TP73: variants seen among roughly 807,000 people sequenced by gnomAD.
TP73 encodes the protein tumor protein p73, also known as p53-like transcription factor.
TP73 carries 25 observed loss-of-function variants against 62.5 expected under a neutral mutation model. That is an observed-to-expected ratio of 0.40 (90% confidence interval 0.29 to 0.56). TP73 has a LOEUF of 0.56. Ranked by LOEUF, TP73 falls within the 20% of genes least tolerant of loss-of-function variation. TP73 has a pLI of 0.46. For synonymous variants in TP73, 423 were observed against 377.5 expected, an observed-to-expected ratio of 1.12 and a Z score of -1.40; for missense variants, 754 against 913.3, an observed-to-expected ratio of 0.83 and a Z score of 2.25.
At chr1:3,692,404 A>T (rs770218893) in intron 3 of TP73, among the ~76,000 whole-genome samples, 7 of 152,258 alleles carry the variant, frequency 4.6e-5, no homozygotes, top group South Asian at 4.2e-4. Flanking sequence ...TGATCTTTTT[A>T]TCTGAAACCC....
In TP73 at chr1:3,716,438, C is replaced by T. The variant is rs370784846; in HGVS notation, c.430-5583C>T. On this transcript the variant is annotated intron_variant, in intron 4 of 13. Coordinates refer to ENST00000378295, the MANE Select transcript of TP73 (RefSeq NM_005427.4). ...GTCCTGGTGAGTGAGCCGTCACTGC[C>T]TCGACCATGGGAGCCCCAGCTTAAC... Among the ~76,000 whole-genome samples the T allele has an allele frequency of 4.1e-4, 62 of 152,312 alleles. No individual in the cohort carries two copies. The East Asian group carries it at 8.1e-3, about 20-fold the overall frequency.
chr1:3,726,858 G>GTGGA lies in TP73; in HGVS notation c.733-234_733-231dup, dbSNP rs144546084. Reference sequence around the variant, plus strand: ...ATGGGTGGGTGGATGGATGGGGTTGGTGGATGGATGGATGGATGGATGGAT... The same window carrying GTGGA: ...ATGGGTGGGTGGATGGATGGGGTTGGTGGATGGATGGATGGATGGATGGATGGAT... On this transcript the variant is annotated intron_variant, in intron 6 of 13. Transcript: ENST00000378295. 1.1e-3 allele frequency among the ~76,000 whole-genome samples: 157 copies of GTGGA among 144,552 alleles called. 1 individual carries two copies. Among genetic ancestry groups the GTGGA allele is most frequent in the East Asian group, 3.0e-3 (14 of 4,742 alleles). The allele number at this position is 144,552 out of a possible 152,430, so 94.8% of individuals were successfully genotyped here.
chr1:3,664,609 T>G (rs1420421909), intron 1 of TP73, among the ~76,000 whole-genome samples: 3 of 152,220 alleles, frequency 2.0e-5, no homozygotes, highest in African/African-American at 7.2e-5. Flanking sequence ...CACAGCCTCC[T>G]GGCCTCCGGG....
chr1:3,705,840 G>T (rs1050398302), intron 3 of TP73, among the ~76,000 whole-genome samples: 2 of 152,250 alleles, frequency 1.3e-5, no homozygotes, highest in African/African-American at 4.8e-5. Context: ...GCCGGGGGAT[G>T]CGGCCCTCGT....
chr1:3,722,111 G>A lies in TP73; in HGVS notation c.520G>A (p.Ala174Thr), dbSNP rs748133630. 6 of 1,612,632 alleles carry A rather than the reference G, an allele frequency of 3.7e-6. No individual in the cohort carries two copies. Among genetic ancestry groups the A allele is most frequent in the East Asian group, 2.2e-5 (1 of 44,856 alleles). ...GTCCACCCCGCCACCCCCAGGCACCGCCATCCGGGCCATGCCTGTTTACAA... is the reference window on the plus strand; with the variant it reads ...GTCCACCCCGCCACCCCCAGGCACCACCATCCGGGCCATGCCTGTTTACAA... ...KVSTPPPPGT[A>T]IRAMPVYKKA... Residue 174 changes from alanine to threonine, a missense_variant, in exon 5 of 14, where the codon GCC becomes ACC. By Grantham distance (58) the Ala-to-Thr change is moderately conservative (BLOSUM62 0). Around this residue, in one of 3 missense-constraint regions of TP73, gnomAD observed 235 missense variants for 251.4 expected, o/e 0.93. Coordinates refer to ENST00000378295, the MANE Select transcript of TP73 (RefSeq NM_005427.4).
chr1:3,721,675 G>A (rs1175782164), intron 4 of TP73, among the ~76,000 whole-genome samples: 1 of 152,154 alleles, frequency 6.6e-6, no homozygotes, highest in African/African-American at 2.4e-5. Flanking sequence ...CCCCGTTCCC[G>A]CCCTCACTCT....
intron 3 of TP73, among the ~76,000 whole-genome samples, chr1:3,705,148 C>T (rs963269842): frequency 2.0e-5 from 3 of 152,250 alleles, no homozygotes; most frequent in East Asian, 1.9e-4. Flanking sequence ...GAGATCCTCC[C>T]GCCTCTGCCC....
At chr1:3,685,426 G>A (rs1354435098) in intron 3 of TP73, among the ~76,000 whole-genome samples, 4 of 152,228 alleles carry the variant, frequency 2.6e-5, no homozygotes, top group African/African-American at 9.6e-5. Context: ...CCAAAGCCAT[G>A]TATGAAATTC....
intron 1 of TP73, among the ~76,000 whole-genome samples, chr1:3,673,186 G>A (rs1645282451): frequency 6.6e-6 from 1 of 152,240 alleles, no homozygotes. Flanking sequence ...TCTGCAAAAG[G>A]GTGCGGAGAC....
At chr1:3,657,855 T>A (rs9662739) in intron 1 of TP73, among the ~76,000 whole-genome samples, 58,333 of 151,628 alleles carry the variant, frequency 0.38, 12,546 homozygotes, top group Non-Finnish European at 0.49. Flanking sequence ...CTCCAGCAGC[T>A]CCTCTACCTG....
intron 3 of TP73, among the ~76,000 whole-genome samples, chr1:3,706,173 G>C (rs879555283): frequency 2.0e-5 from 3 of 152,022 alleles, no homozygotes; most frequent in Non-Finnish European, 2.9e-5. Flanking sequence ...CCCAGTTCAC[G>C]GTCTGGGGGT....
At chr1:3,714,961 G>T (rs143086801) in intron 4 of TP73, among the ~76,000 whole-genome samples, 7 of 152,238 alleles carry the variant, frequency 4.6e-5, no homozygotes, top group African/African-American at 1.7e-4. Flanking sequence ...AGTGATAGTA[G>T]CAGCCACAGG....
chr1:3,732,020 A>G (rs1376755829), intron 13 of TP73, among the ~76,000 whole-genome samples: 1 of 152,240 alleles, frequency 6.6e-6, no homozygotes, highest in Non-Finnish European at 1.5e-5. Flanking sequence ...TGCAGGCACC[A>G]TGATTAAACA....
At chr1:3,702,510 A>T (rs1202760672) in intron 3 of TP73, among the ~76,000 whole-genome samples, 1 of 152,122 alleles carries the variant, frequency 6.6e-6, no homozygotes, top group Non-Finnish European at 1.5e-5. Context: ...GCTAATCTCC[A>T]GCACAGGTGC....
At chr1:3,658,526 T>A (rs567561248) in intron 1 of TP73, among the ~76,000 whole-genome samples, 1 of 139,228 alleles carries the variant, frequency 7.2e-6, no homozygotes, top group East Asian at 2.2e-4. Context: ...CGTCTGGGCA[T>A]AAAGGCTGCC....
chr1:3,678,906 G>A (rs977561462), intron 1 of TP73, among the ~76,000 whole-genome samples: 7 of 152,348 alleles, frequency 4.6e-5, no homozygotes, highest in Non-Finnish European at 8.8e-5. Context: ...AAACAGGCCT[G>A]GGGATGTTTG....
rs1024819872 is a variant in TP73, at chr1:3,727,754, G to A, written c.969G>A (p.Gly323=). The A allele has an allele frequency of 1.0e-5, 16 of 1,545,848 alleles. No homozygotes were observed. Among genetic ancestry groups the A allele is most frequent in the Non-Finnish European group, 1.2e-5 (14 of 1,145,380 alleles). Residue 323 remains glycine, a synonymous_variant, in exon 8 of 14, where the codon GGG becomes GGA. Coordinates refer to ENST00000378295, the MANE Select transcript of TP73 (RefSeq NM_005427.4). ...TGAACGAGAGCTCCGCCAAGAACGG[G>A]GCCGCCAGCAAGCGTGGTGAGCGGC... is the stretch of plus-strand genomic sequence containing the variant. ...QALNESSAKN[G]AASKRAFKQS...
intron 1 of TP73, among the ~76,000 whole-genome samples, chr1:3,678,933 C>A (rs1232667748): frequency 6.6e-6 from 1 of 152,228 alleles, no homozygotes; most frequent in Non-Finnish European, 1.5e-5. Flanking sequence ...CAACTCCTGG[C>A]GTGGAGGAAG....
At chr1:3,702,249 C>A (rs1639233184) in intron 3 of TP73, among the ~76,000 whole-genome samples, 2 of 152,286 alleles carry the variant, frequency 1.3e-5, no homozygotes, top group South Asian at 4.1e-4. Context: ...GACAGGCAGG[C>A]CAGGGGGCAG....
Sources: allele counts gnomAD v4.1 joint callset (sites outside exome capture counted in the v4.1 genomes callset), GRCh38; gene constraint gnomAD v4.1.1; regional missense constraint gnomAD v4.1.1; transcripts MANE v1.5; gene names NCBI Gene and HGNC (gene_info 2026-07-23, HGNC 2026-07-21).